The following SLC22A23 variants were observed in gnomAD, a reference collection of about 807,000 sequenced individuals.
The protein encoded by SLC22A23 is solute carrier family 22 member 23.
SLC22A23 carries 26 observed loss-of-function variants against 61.0 expected under a neutral mutation model. That is an observed-to-expected ratio of 0.43 (90% CI 0.31 to 0.59). SLC22A23 has a LOEUF of 0.59. SLC22A23 is among the 20% of genes least tolerant of loss of function. The pLI, the probability that SLC22A23 is intolerant of heterozygous loss-of-function variation, is 0.11. For missense variants in SLC22A23, 796 were observed against 934.7 expected, an observed-to-expected ratio of 0.85 and a Z score of 1.94; for synonymous variants, 430 against 413.9, an observed-to-expected ratio of 1.04 and a Z score of -0.47.
rs1763043125 is a variant in SLC22A23 at position 3,322,905 on chromosome 6, G to A, written c.1082+929C>T. Among the ~76,000 whole-genome samples the A allele has an allele frequency of 6.6e-6, 1 of 151,308 alleles. No individual in the cohort carries two copies. The highest frequency in any genetic ancestry group is 1.5e-5 in the Non-Finnish European group (1 of 68,036). On this transcript the variant is annotated intron_variant, in intron 4 of 9. Transcript: ENST00000406686. The surrounding 1 kb of genome is among the most constrained non-coding windows in gnomAD (Gnocchi z 4.1). The stretch of plus-strand genomic sequence containing the variant: ...TCCATGATCTACTTATGGGTAAGGT[G>A]AGAGTATCAGCATGGAGAGGGATGG...
chr6:3,324,080 T>G lies in SLC22A23; in HGVS notation c.914-78A>C, dbSNP rs920008969. On this transcript the variant is annotated intron_variant, in intron 3 of 9. Coordinates refer to ENST00000406686, the MANE Select transcript of SLC22A23 (RefSeq NM_015482.2). This position sits in a 1 kb window ranked among gnomAD's most constrained non-coding sequence, Gnocchi z 4.3. ...GAAGTCCTGGGTGCACCTGGGCCAGTGCACTGCTTAACCCACCAACGACTG... is the reference window on the plus strand; with the variant it reads ...GAAGTCCTGGGTGCACCTGGGCCAGGGCACTGCTTAACCCACCAACGACTG... The G allele has an allele frequency of 3.2e-6, 5 of 1,541,180 alleles. No homozygotes were observed. Among genetic ancestry groups the G allele is most frequent in the Admixed American group, 3.5e-5 (2 of 57,290 alleles).
intron 1 of SLC22A23, among the ~76,000 whole-genome samples, chr6:3,446,935 G>C (rs1291647515): frequency 6.6e-6 from 1 of 152,132 alleles, no homozygotes; most frequent in East Asian, 1.9e-4. Flanking sequence ...CCCTGGGGGA[G>C]TTATCAGCAT....
intron 4 of SLC22A23, among the ~76,000 whole-genome samples, chr6:3,310,375 C>A (rs1273938737): frequency 5.2e-5 from 4 of 76,648 alleles, no homozygotes; most frequent in African/African-American, 9.6e-5. Context: ...CACTCGAGCA[C>A]CCTGTCTCCC....
chr6:3,324,370 C>T lies in SLC22A23; in HGVS notation c.914-368G>A, dbSNP rs1341167531. Among the ~76,000 whole-genome samples, 2 of 152,202 alleles carry T rather than the reference C, an allele frequency of 1.3e-5. No individual in the cohort carries two copies. Among genetic ancestry groups the T allele is most frequent in the African/African-American group, 2.4e-5 (1 of 41,436 alleles). ...CTTGCTGTCCAGCACGTTCCCCCCTCGTGCCCATCCTGTCGCCATTCCTTC... is the reference window on the plus strand; with the variant it reads ...CTTGCTGTCCAGCACGTTCCCCCCTTGTGCCCATCCTGTCGCCATTCCTTC... On this transcript the variant is annotated intron_variant, in intron 3 of 9. Transcript: ENST00000406686. This position sits in a 1 kb window ranked among gnomAD's most constrained non-coding sequence, Gnocchi z 4.3.
chr6:3,353,359 C>T (rs1764888494), intron 3 of SLC22A23, among the ~76,000 whole-genome samples: 1 of 152,210 alleles, frequency 6.6e-6, no homozygotes, highest in South Asian at 2.1e-4. Context: ...GCCTGATTCT[C>T]CCAGCTGCCA....
At chr6:3,381,639 G>C (rs780476663) in intron 3 of SLC22A23, among the ~76,000 whole-genome samples, 8 of 152,144 alleles carry the variant, frequency 5.3e-5, no homozygotes, top group Non-Finnish European at 1.0e-4. Flanking sequence ...CTGGCCCAGC[G>C]CCCTGCCTTC....
chr6:3,325,233 T>C (rs1763211388), intron 3 of SLC22A23, among the ~76,000 whole-genome samples: 1 of 125,120 alleles, frequency 8.0e-6, no homozygotes, highest in Non-Finnish European at 1.7e-5. Flanking sequence ...ACAGCTCATC[T>C]GCTGGGTGTC....
At chr6:3,441,159 G>A (rs1407463957) in intron 1 of SLC22A23, among the ~76,000 whole-genome samples, 1 of 152,178 alleles carries the variant, frequency 6.6e-6, no homozygotes, top group Non-Finnish European at 1.5e-5. Flanking sequence ...GTTTTGTGAT[G>A]GGGGCTCGTT....
In SLC22A23 at chr6:3,318,963, G is replaced by C. The variant is rs907290497; in HGVS notation, c.1082+4871C>G. Among the ~76,000 whole-genome samples, 1 of 152,168 alleles carries C rather than the reference G, an allele frequency of 6.6e-6. No individual in the cohort carries two copies. Among genetic ancestry groups the C allele is most frequent in the African/African-American group, 2.4e-5 (1 of 41,424 alleles). On this transcript the variant is annotated intron_variant, in intron 4 of 9. Coordinates refer to ENST00000406686, the MANE Select transcript of SLC22A23 (RefSeq NM_015482.2). The surrounding 1 kb of genome is among the most constrained non-coding windows in gnomAD (Gnocchi z 4.3). ...AAAGCATCTCTCGAATCAGCCCTCT[G>C]CAGGTGACACCCAGCCTTCCCCAGT...
Position 3,414,431 on chromosome 6 carries a change from G to T in SLC22A23, c.758+1321C>A, listed in dbSNP as rs1386103675. Among the ~76,000 whole-genome samples, 3 of 152,116 alleles carry T rather than the reference G, an allele frequency of 2.0e-5. No individual in the cohort carries two copies. The highest frequency in any genetic ancestry group is 4.4e-5 in the Non-Finnish European group (3 of 68,028). On this transcript the variant is annotated intron_variant, in intron 2 of 9. Coordinates refer to ENST00000406686, the MANE Select transcript of SLC22A23 (RefSeq NM_015482.2). This position sits in a 1 kb window ranked among gnomAD's most constrained non-coding sequence, Gnocchi z 5.1. ...AGAGGTCACTGACTGCTTCTCTGTTGCTGTCCACAGAGAACGTGTCCATGA... is the reference window on the plus strand; with the variant it reads ...AGAGGTCACTGACTGCTTCTCTGTTTCTGTCCACAGAGAACGTGTCCATGA...
intron 3 of SLC22A23, among the ~76,000 whole-genome samples, chr6:3,376,982 G>T (rs1766612097): frequency 6.6e-6 from 1 of 151,966 alleles, no homozygotes; most frequent in Non-Finnish European, 1.5e-5. Context: ...GTCGGGGGAA[G>T]GGCTGGGTGG....
chr6:3,285,475 T>C (rs9501980), intron 7 of SLC22A23, among the ~76,000 whole-genome samples: 3,385 of 152,322 alleles, frequency 0.022, 127 homozygotes, highest in African/African-American at 0.077. Flanking sequence ...GGGGTGCCCC[T>C]GCCAGCCCCA....
At chr6:3,441,248 G>A (rs1771574113) in intron 1 of SLC22A23, among the ~76,000 whole-genome samples, 1 of 152,216 alleles carries the variant, frequency 6.6e-6, no homozygotes. Context: ...TTGAGGGGCT[G>A]TGGACAGACC....
intron 3 of SLC22A23, among the ~76,000 whole-genome samples, chr6:3,396,093 A>C (rs1581811681): frequency 6.6e-6 from 1 of 152,322 alleles, no homozygotes; most frequent in East Asian, 1.9e-4. Flanking sequence ...CGGACTTGGG[A>C]CCGGGGAAGT....
chr6:3,296,229 A>G (rs1400575242), intron 5 of SLC22A23, among the ~76,000 whole-genome samples: 2 of 152,220 alleles, frequency 1.3e-5, no homozygotes, highest in Non-Finnish European at 2.9e-5. Context: ...GCCCCGCTGG[A>G]GAAACCTGGA....
At chr6:3,446,955 G>A (rs1771925492) in intron 1 of SLC22A23, among the ~76,000 whole-genome samples, 1 of 151,998 alleles carries the variant, frequency 6.6e-6, no homozygotes, top group South Asian at 2.1e-4. Context: ...TCTTCTACAG[G>A]CCTCGCTGGC....
intron 9 of SLC22A23, among the ~76,000 whole-genome samples, chr6:3,280,018 T>C (rs1759291161): frequency 6.6e-6 from 1 of 152,234 alleles, no homozygotes; most frequent in Non-Finnish European, 1.5e-5. Context: ...GAGGCGAGGC[T>C]CCTGTTCTAG....
chr6:3,346,661 T>G (rs1462340502), intron 3 of SLC22A23, among the ~76,000 whole-genome samples: 4 of 152,102 alleles, frequency 2.6e-5, no homozygotes, highest in African/African-American at 9.7e-5. Context: ...CTCCAGCTAC[T>G]CCCAGCTGCA....
intron 1 of SLC22A23, among the ~76,000 whole-genome samples, chr6:3,431,564 C>T (rs571791488): frequency 5.3e-5 from 8 of 152,184 alleles, no homozygotes; most frequent in African/African-American, 1.2e-4. Flanking sequence ...ATCAGTCCTT[C>T]GTACCTTAGT....
Sources: allele counts gnomAD v4.1 joint callset (sites outside exome capture counted in the v4.1 genomes callset), GRCh38; gene constraint gnomAD v4.1.1; non-coding constraint Gnocchi (gnomAD v3.1); transcripts MANE v1.5; gene names NCBI Gene and HGNC (gene_info 2026-07-23, HGNC 2026-07-21).